MAP2K5: variants seen among roughly 807,000 people sequenced by gnomAD.
MAP2K5 encodes mitogen-activated protein kinase kinase 5.
Under a neutral mutation model 83.1 loss-of-function variants are expected in MAP2K5, and 49 were observed. The observed-to-expected ratio is 0.59, with a 90% CI of 0.47 to 0.75. The LOEUF (loss-of-function observed/expected upper bound fraction) is 0.75, where lower values mean the gene tolerates loss of function less well. Ranked by LOEUF, MAP2K5 falls within the 30% of genes least tolerant of loss-of-function variation. The pLI is 0.00. For synonymous variants in MAP2K5, 202 were observed against 191.8 expected (o/e 1.05, Z -0.44); for missense variants, 457 against 557.5 (o/e 0.82, Z 1.82).
intron 5 of MAP2K5, 61 bp from the exon 6 acceptor site, chr15:67,586,785 G>T (rs1567291768): frequency 1.3e-6 from 2 of 1,489,862 alleles, no homozygotes; most frequent in Non-Finnish European, 1.9e-6. Flanking sequence ...GCAAATTATA[G>T]GTTAATTAGA....
intron 12 of MAP2K5, chr15:67,659,486 T>C (rs960470669): frequency 6.6e-6 from 1 of 152,156 alleles, no homozygotes; most frequent in Non-Finnish European, 1.5e-5. Context: ...TTTCTAATTA[T>C]TAGTGTGAAG....
chr15:67,692,366 T>C, intron 13 of MAP2K5, 113 bp from the exon 14 acceptor site: 1 of 626,868 alleles, frequency 1.6e-6, no homozygotes. Flanking sequence ...AATTTCGGAT[T>C]GAGCAGATGA....
In MAP2K5 at chr15:67,702,858, G is replaced by C. The variant is rs2088453957; in HGVS notation, c.973-479G>C. On this transcript the variant is annotated intron_variant, in intron 15 of 21. Coordinates refer to ENST00000178640, the MANE Select transcript of MAP2K5 (RefSeq NM_145160.3). This position sits in a 1 kb window ranked among gnomAD's most constrained non-coding sequence, Gnocchi z 4.6. ...ATTTTTTCAAATTTCCTATAAGTTT[G>C]AAATTATTTTCAAATAAAAAATTAA... 6.6e-6 allele frequency among the ~76,000 whole-genome samples: 1 copy of C among 152,142 alleles called. No homozygotes were observed. The highest frequency in any genetic ancestry group is 2.4e-5 in the African/African-American group (1 of 41,426).
chr15:67,670,407 A>G (rs1567349638), intron 13 of MAP2K5: 5 of 455,610 alleles, frequency 1.1e-5, no homozygotes, highest in South Asian at 6.2e-5. Context: ...ACATGGTTAT[A>G]TGTGTTTTTT....
intron 17 of MAP2K5, among the ~76,000 whole-genome samples, chr15:67,739,445 TA>T (rs2089426640): frequency 6.8e-5 from 1 of 14,638 alleles, no homozygotes; most frequent in Non-Finnish European, 1.2e-4. Context: ...TATATATATA[TA>T]TATATATATA....
At chr15:67,662,088 G>A (rs1254856586) in intron 12 of MAP2K5, among the ~76,000 whole-genome samples, 1 of 152,114 alleles carries the variant, frequency 6.6e-6, no homozygotes, top group South Asian at 2.1e-4. Flanking sequence ...CTATAAAAAT[G>A]TATGCTGTTC....
chr15:67,583,132 A>G (rs1319001240), intron 4 of MAP2K5, among the ~76,000 whole-genome samples: 6 of 152,198 alleles, frequency 3.9e-5, no homozygotes. Context: ...GAGAATATTG[A>G]GATTCAGAGA....
rs2085872090 is a variant in MAP2K5, at chr15:67,609,664, T to C, written c.545+8915T>C. On this transcript the variant is annotated intron_variant, in intron 8 of 21. Transcript: ENST00000178640. ...AGGTCTGTAGATTCTGTAGACCTATTCTATAGGTCTGTAGATTCTGTAGAC... is the reference window on the plus strand; with the variant it reads ...AGGTCTGTAGATTCTGTAGACCTATCCTATAGGTCTGTAGATTCTGTAGAC... Among the ~76,000 whole-genome samples, 2 of 107,196 alleles carry C rather than the reference T, an allele frequency of 1.9e-5. 1 individual carries two copies. Among genetic ancestry groups the C allele is most frequent in the Non-Finnish European group, 4.0e-5 (2 of 50,050 alleles). 70.3% of individuals were successfully genotyped at this position (107,196 alleles called of 152,430 possible).
chr15:67,615,261 G>A (rs1207026748), intron 8 of MAP2K5, among the ~76,000 whole-genome samples: 1 of 152,194 alleles, frequency 6.6e-6, no homozygotes, highest in African/African-American at 2.4e-5. Context: ...GCCTCCCAAA[G>A]TGCTGGAATT....
chr15:67,798,144 G>C (rs913889128), intron 21 of MAP2K5, among the ~76,000 whole-genome samples: 2 of 152,206 alleles, frequency 1.3e-5, no homozygotes, highest in Non-Finnish European at 2.9e-5. Flanking sequence ...CATATTCACA[G>C]TGTGGACATG....
intron 13 of MAP2K5, among the ~76,000 whole-genome samples, chr15:67,689,843 G>A (rs182854029): frequency 3.9e-4 from 60 of 152,230 alleles, no homozygotes; most frequent in African/African-American, 1.4e-3. Flanking sequence ...CTTCTTCCAG[G>A]AGTTCAAAAT....
intron 16 of MAP2K5, among the ~76,000 whole-genome samples, chr15:67,723,770 C>G (rs773277478): frequency 6.6e-6 from 1 of 151,884 alleles, no homozygotes; most frequent in Non-Finnish European, 1.5e-5. Context: ...AAAAACTAGA[C>G]TTAAGCTGCC....
intron 21 of MAP2K5, among the ~76,000 whole-genome samples, chr15:67,789,250 C>A (rs1353129958): frequency 6.6e-6 from 1 of 152,088 alleles, no homozygotes; most frequent in African/African-American, 2.4e-5. Flanking sequence ...TTATCCAGGA[C>A]CCTGTCATAG....
rs1566953852 is a variant in MAP2K5, at chr15:67,756,514, A to AGTGTGTGTGTGT, written c.1134+7913_1134+7914insGTGTGTGTGTGT. On this transcript the variant is annotated intron_variant, in intron 19 of 21. Coordinates refer to ENST00000178640, the MANE Select transcript of MAP2K5 (RefSeq NM_145160.3). ...AATATATCTAACCCCACACACAGTT[A>AGTGTGTGTGTGT]CTGTGTGTGTGTGTGTGTGTGTGTG... 2.8e-4 allele frequency among the ~76,000 whole-genome samples: 27 copies of AGTGTGTGTGTGT among 97,922 alleles called. 1 individual carries two copies. The East Asian group carries it at 4.1e-3, about 15-fold the overall frequency. The allele number at this position is 97,922 out of a possible 152,430, so 64.2% of individuals were successfully genotyped here.
rs1274755470 is a variant in MAP2K5, at chr15:67,552,937, A to C, written c.184+2855A>C. Among the ~76,000 whole-genome samples, 1 of 152,104 alleles carries C rather than the reference A, an allele frequency of 6.6e-6. No homozygotes were observed. Among genetic ancestry groups the C allele is most frequent in the Non-Finnish European group, 1.5e-5 (1 of 68,020 alleles). ...GAAATCATATATTCTGGTTGTTCTT[A>C]AGCATGGTAAAAAGAAGTTTACTTT... On this transcript the variant is annotated intron_variant, in intron 2 of 21. Coordinates refer to ENST00000178640, the MANE Select transcript of MAP2K5 (RefSeq NM_145160.3). This position sits in a 1 kb window ranked among gnomAD's most constrained non-coding sequence, Gnocchi z 4.2.
At chr15:67,696,943 C>T (rs1156381722) in intron 15 of MAP2K5, among the ~76,000 whole-genome samples, 1 of 152,202 alleles carries the variant, frequency 6.6e-6, no homozygotes, top group African/African-American at 2.4e-5. Context: ...CGCACCATTG[C>T]ACTCCAGCCT....
chr15:67,751,685 G>A (rs1044136111), intron 19 of MAP2K5, among the ~76,000 whole-genome samples: 1 of 152,182 alleles, frequency 6.6e-6, no homozygotes, highest in Non-Finnish European at 1.5e-5. Flanking sequence ...ACGGAGTGTG[G>A]TGAATATCAT....
chr15:67,586,776 C>T, intron 5 of MAP2K5, 70 bp from the exon 6 acceptor site: 1 of 1,446,310 alleles, frequency 6.9e-7, no homozygotes, highest in Non-Finnish European at 9.7e-7. Flanking sequence ...AAATTTGTGG[C>T]AAATTATAGG....
chr15:67,634,997 G>T (rs2086568097), intron 9 of MAP2K5, among the ~76,000 whole-genome samples: 1 of 151,864 alleles, frequency 6.6e-6, no homozygotes, highest in South Asian at 2.1e-4. Context: ...TTAAGTGATT[G>T]CTTTAGAATT....
Sources: allele counts gnomAD v4.1 joint callset (sites outside exome capture counted in the v4.1 genomes callset), GRCh38; gene constraint gnomAD v4.1.1; non-coding constraint Gnocchi (gnomAD v3.1); transcripts MANE v1.5; gene names NCBI Gene and HGNC (gene_info 2026-07-23, HGNC 2026-07-21).